IGSF9B: variants seen among roughly 807,000 people sequenced by gnomAD.
The protein encoded by IGSF9B is immunoglobulin superfamily member 9B.
In IGSF9B, 48 loss-of-function variants were observed where a neutral mutation model predicts 143.7. The observed-to-expected ratio is 0.33, with a 90% CI of 0.26 to 0.42. IGSF9B has a LOEUF of 0.42. Ranked by LOEUF, IGSF9B falls within the 20% of genes least tolerant of loss-of-function variation. IGSF9B has a pLI of 1.00. For missense variants in IGSF9B, 1,706 were observed against 1,980.0 expected (o/e 0.86, Z 2.63); for synonymous variants, 903 against 833.1 (o/e 1.08, Z -1.44).
intron 3 of IGSF9B, among the ~76,000 whole-genome samples, chr11:133,938,539 C>G (rs1939867670): frequency 6.6e-6 from 1 of 152,220 alleles, no homozygotes; most frequent in African/African-American, 2.4e-5. Flanking sequence ...TTCCTCTGAT[C>G]ATGTCAGGTC....
rs1016399636 is a variant in IGSF9B at position 133,906,411 on chromosome 11, G to A, written c.*2658C>T. On this transcript the variant is annotated 3_prime_UTR_variant, in exon 20 of 20. Coordinates refer to ENST00000533871, the MANE Select transcript of IGSF9B (RefSeq NM_001277285.4). ...GAGGAAGCCCTCAGGGGAGCTGAATGAGTGGCAGGCCACTGAGAGATGGGC... is the reference window on the plus strand; with the variant it reads ...GAGGAAGCCCTCAGGGGAGCTGAATAAGTGGCAGGCCACTGAGAGATGGGC... Among the ~76,000 whole-genome samples, 4 of 152,232 alleles carry A rather than the reference G, an allele frequency of 2.6e-5. No individual in the cohort carries two copies. The highest frequency in any genetic ancestry group is 9.6e-5 in the African/African-American group (4 of 41,468).
intron 7 of IGSF9B, among the ~76,000 whole-genome samples, chr11:133,934,642 C>A (rs530982043): frequency 6.6e-6 from 1 of 152,156 alleles, no homozygotes; most frequent in Non-Finnish European, 1.5e-5. Flanking sequence ...GCTCAGCAGG[C>A]GCAGCGTGCT....
rs1444845430 is a variant in IGSF9B at position 133,902,233 on chromosome 11, C to T, written c.*6836G>A. On this transcript the variant is annotated 3_prime_UTR_variant, in exon 20 of 20. Transcript: ENST00000533871. Reference sequence around the variant, plus strand: ...ATACACCACACGCAACATACACACACCAAACCACACTCAACACACCACACA... The same window carrying T: ...ATACACCACACGCAACATACACACATCAAACCACACTCAACACACCACACA... 6.8e-6 allele frequency among the ~76,000 whole-genome samples: 1 copy of T among 146,738 alleles called. No individual in the cohort carries two copies.
At chr11:133,944,066 G>A (rs779003502) in intron 3 of IGSF9B, among the ~76,000 whole-genome samples, 154 bp downstream of exon 3, 1 of 152,226 alleles carries the variant, frequency 6.6e-6, no homozygotes, top group African/African-American at 2.4e-5. Flanking sequence ...CTGCAGGAGT[G>A]AGCTGATGTC....
rs1343408901 is a variant in IGSF9B, at chr11:133,908,931, G to A, written c.*138C>T. The A allele has an allele frequency of 1.2e-5, 9 of 720,926 alleles. No individual in the cohort carries two copies. The highest frequency in any genetic ancestry group is 5.5e-5 in the East Asian group (2 of 36,626). The allele number at this position is 720,926 out of a possible 1,614,324, so 44.7% of individuals were successfully genotyped here. On this transcript the variant is annotated 3_prime_UTR_variant, in exon 20 of 20. Coordinates refer to ENST00000533871, the MANE Select transcript of IGSF9B (RefSeq NM_001277285.4). Reference sequence around the variant, plus strand: ...GGCCAGGATCTGGAGGGAGACACCCGCTCTGGCAAAAGAGGGGGCATGCAG... The same window carrying A: ...GGCCAGGATCTGGAGGGAGACACCCACTCTGGCAAAAGAGGGGGCATGCAG...
At chr11:133,940,523 A>C (rs1006248864) in intron 3 of IGSF9B, among the ~76,000 whole-genome samples, 1 of 138,934 alleles carries the variant, frequency 7.2e-6, no homozygotes, top group Non-Finnish European at 1.5e-5. Flanking sequence ...GCGTCATCAC[A>C]TGCAAAAACA....
Position 133,944,222 on chromosome 11 carries a change from T to C in IGSF9B, c.407A>G (p.Asn136Ser). The C allele has an allele frequency of 6.2e-7, 1 of 1,601,676 alleles. No homozygotes were observed. Among genetic ancestry groups the C allele is most frequent in the Non-Finnish European group, 8.5e-7 (1 of 1,172,900 alleles). ...CCACCCTGGAAGCCGTCACTCACCG[T>C]TGATGGTGAGGTGGACCCAGCTGCC... ...HNGSWVHLTI[N>S]APPTFTETPP... The change falls in exon 3 of 20, where the codon AAC becomes AGC. Residue 136 changes from asparagine (N) to serine (S), a missense_variant and splice_region_variant. This residue lies in a region of IGSF9B where 171 missense variants were observed against 213.9 expected (regional missense o/e 0.80). Transcript: ENST00000533871.
chr11:133,956,564 A>C (rs1940259246), intron 1 of IGSF9B, 127 bp downstream of exon 1: 16 of 562,690 alleles, frequency 2.8e-5, no homozygotes, highest in Admixed American at 3.2e-5. Flanking sequence ...CCCAAGCCTC[A>C]CCCGCGGGAA....
intron 18 of IGSF9B, chr11:133,919,097 T>C (rs12800905): frequency 0.44 from 175,636 of 396,270 alleles, 35,987 homozygotes; most frequent in African/African-American, 0.62. Context: ...TCTGTCTCTC[T>C]GCAGCTTCCT....
At chr11:133,955,026 C>T (rs11223643) in intron 1 of IGSF9B, among the ~76,000 whole-genome samples, 10,191 of 152,280 alleles carry the variant, frequency 0.067, 468 homozygotes, top group Non-Finnish European at 0.099. Context: ...GACTTAGGTT[C>T]GGAGGCTATT....
At chr11:133,912,492 G>A (rs936758874) in intron 18 of IGSF9B, 4 of 389,218 alleles carry the variant, frequency 1.0e-5, no homozygotes, top group African/African-American at 4.2e-5. Context: ...TGAGAAACCC[G>A]ACCCCCAGTA....
At chr11:133,925,518 G>A (rs1450574639) in intron 14 of IGSF9B, among the ~76,000 whole-genome samples, 1 of 152,102 alleles carries the variant, frequency 6.6e-6, no homozygotes, top group Non-Finnish European at 1.5e-5. Context: ...TAGAACACAG[G>A]TCCCCGCTGC....
chr11:133,944,230 G>T lies in IGSF9B; in HGVS notation c.399C>A (p.Leu133=). 1.9e-6 allele frequency: 3 copies of T among 1,605,794 alleles called. No individual in the cohort carries two copies. The highest frequency in any genetic ancestry group is 2.6e-6 in the Non-Finnish European group (3 of 1,175,214). The stretch of plus-strand genomic sequence containing the variant: ...GAAGCCGTCACTCACCGTTGATGGT[G>T]AGGTGGACCCAGCTGCCATTGTGGA... The part of the protein sequence containing the change: ...DTFHNGSWVH[L]TINAPPTFTE... The change falls in exon 3 of 20, where the codon CTC becomes CTA. Residue 133 remains leucine (L), a synonymous_variant. Transcript: ENST00000533871.
rs1396622213 is a variant in IGSF9B at position 133,945,750 on chromosome 11, C to A, written c.262+311G>T. ...CAGGGAGAGCCGTGCTGGCCCAGGG[C>A]TGCCTGACTCAGTCTGCTGTCCTCT... On this transcript the variant is annotated intron_variant, in intron 2 of 19. Transcript: ENST00000533871. This position sits in a 1 kb window ranked among gnomAD's most constrained non-coding sequence, Gnocchi z 4.6. 2.0e-5 allele frequency among the ~76,000 whole-genome samples: 3 copies of A among 152,156 alleles called. No homozygotes were observed. In the East Asian group the frequency reaches 5.8e-4, roughly 29 times the overall value.
In IGSF9B at chr11:133,905,749, G is replaced by A. The variant is rs1020705288; in HGVS notation, c.*3320C>T. Among the ~76,000 whole-genome samples, 2 of 152,196 alleles carry A rather than the reference G, an allele frequency of 1.3e-5. No homozygotes were observed. The highest frequency in any genetic ancestry group is 4.8e-5 in the African/African-American group (2 of 41,436). On this transcript the variant is annotated 3_prime_UTR_variant, in exon 20 of 20. Transcript: ENST00000533871. This position sits in a 1 kb window ranked among gnomAD's most constrained non-coding sequence, Gnocchi z 4.0. ...TCTCCAGGGAAGCTGCTTAGAGGCA[G>A]ACTGGCAGCAGGCAGGGCCACTCCC...
intron 1 of IGSF9B, among the ~76,000 whole-genome samples, chr11:133,955,099 C>G (rs576905807): frequency 3.6e-4 from 55 of 152,270 alleles, no homozygotes; most frequent in Non-Finnish European, 6.3e-4. Flanking sequence ...TTTGTGCTTT[C>G]AGGGACAGTC....
intron 18 of IGSF9B, among the ~76,000 whole-genome samples, chr11:133,916,881 G>A (rs577842250): frequency 6.6e-6 from 1 of 152,234 alleles, no homozygotes; most frequent in Admixed American, 6.5e-5. Flanking sequence ...GGGCGCAGGA[G>A]GGCCCCAGAG....
intron 4 of IGSF9B, 129 bp from the exon 5 acceptor site, chr11:133,937,622 C>A (rs545987304): frequency 3.3e-5 from 33 of 994,154 alleles, no homozygotes; most frequent in Non-Finnish European, 4.6e-5. Flanking sequence ...CTGGGGGACA[C>A]GAAGGGCAGG....
chr11:133,940,153 AAC>A (rs548554229), intron 3 of IGSF9B, among the ~76,000 whole-genome samples: 15 of 77,852 alleles, frequency 1.9e-4, no homozygotes, highest in East Asian at 4.3e-4. Context: ...CGCACGCAAA[AAC>A]ACACCTCGCA....
Sources: allele counts gnomAD v4.1 joint callset (sites outside exome capture counted in the v4.1 genomes callset), GRCh38; gene constraint gnomAD v4.1.1; regional missense constraint gnomAD v4.1.1; non-coding constraint Gnocchi (gnomAD v3.1); transcripts MANE v1.5; gene names NCBI Gene and HGNC (gene_info 2026-07-23, HGNC 2026-07-21).